Variants in KCNT2 observed in about 807,000 individuals in gnomAD.
KCNT2 encodes potassium channel subfamily T member 2.
A neutral mutation model predicts 153.8 loss-of-function variants in KCNT2; 67 were observed. The observed-to-expected ratio is 0.44, with a 90% confidence interval of 0.36 to 0.53. KCNT2 has a LOEUF of 0.53. KCNT2 is among the 20% of genes least tolerant of loss of function. KCNT2 has a pLI of 0.00. For synonymous variants in KCNT2, 500 were observed against 458.8 expected (o/e 1.09, Z -1.15); for missense variants, 975 against 1,354.8 (o/e 0.72, Z 4.40).
intron 8 of KCNT2, among the ~76,000 whole-genome samples, chr1:196,460,021 C>G (rs1210118731): frequency 3.3e-5 from 5 of 151,696 alleles, no homozygotes; most frequent in African/African-American, 9.7e-5. Context: ...AGCCCATTTT[C>G]TTTCTAACAG....
At chr1:196,368,822 C>T (rs556077041) in intron 14 of KCNT2, among the ~76,000 whole-genome samples, 8 of 152,280 alleles carry the variant, frequency 5.3e-5, no homozygotes, top group African/African-American at 1.7e-4. Context: ...CGATCCACCA[C>T]CTCAGGAACC....
At chr1:196,350,334 G>T (rs1477681671) in intron 14 of KCNT2, among the ~76,000 whole-genome samples, 2 of 152,124 alleles carry the variant, frequency 1.3e-5, no homozygotes, top group Non-Finnish European at 2.9e-5. Flanking sequence ...CAGTGTAAAA[G>T]TGTTCCTCTT....
intron 21 of KCNT2, among the ~76,000 whole-genome samples, chr1:196,307,594 G>A (rs1661755016): frequency 1.3e-5 from 2 of 152,006 alleles, no homozygotes; most frequent in African/African-American, 2.4e-5. Flanking sequence ...ACAAATCTTT[G>A]TTAAACAATT....
chr1:196,282,408 G>A, intron 23 of KCNT2, 52 bp from the exon 24 acceptor site: 1 of 877,454 alleles, frequency 1.1e-6, no homozygotes, highest in East Asian at 2.5e-5. Context: ...TATATAATGT[G>A]TATGAGATGT....
intron 22 of KCNT2, among the ~76,000 whole-genome samples, chr1:196,304,216 C>T (rs1040957506): frequency 7.2e-5 from 11 of 152,080 alleles, no homozygotes; most frequent in African/African-American, 2.7e-4. Context: ...CCTTACTCAA[C>T]AATATGTTTC....
intron 13 of KCNT2, among the ~76,000 whole-genome samples, chr1:196,384,895 C>T (rs867729473): frequency 6.6e-6 from 1 of 152,020 alleles, no homozygotes; most frequent in African/African-American, 2.4e-5. Flanking sequence ...AATCTTCATT[C>T]CCTCTTCCTC....
At chr1:196,374,017 G>A (rs1309958920) in intron 13 of KCNT2, among the ~76,000 whole-genome samples, 1 of 151,826 alleles carries the variant, frequency 6.6e-6, no homozygotes, top group Non-Finnish European at 1.5e-5. Flanking sequence ...TTGTTATGCA[G>A]GAATGAGGGC....
intron 12 of KCNT2, among the ~76,000 whole-genome samples, chr1:196,410,476 G>T (rs560937233): frequency 6.6e-6 from 1 of 151,284 alleles, no homozygotes; most frequent in East Asian, 1.9e-4. Flanking sequence ...TAAATGACAA[G>T]TTAATAGGCA....
Position 196,404,224 on chromosome 1 carries a change from T to A in KCNT2, c.1186-5553A>T, listed in dbSNP as rs1671651106. The A allele has an allele frequency of 9.8e-6, 6 of 611,482 alleles. No individual in the cohort carries two copies. In the South Asian group the frequency reaches 4.3e-4, roughly 44 times the overall value. The allele number at this position is 611,482 out of a possible 1,614,324, so 37.9% of individuals were successfully genotyped here. A position where few individuals can be genotyped will look rare whatever the true frequency, so the allele number is the denominator to read the frequency against. On this transcript the variant is annotated intron_variant, in intron 12 of 27. Coordinates refer to ENST00000294725, the MANE Select transcript of KCNT2 (RefSeq NM_198503.5). ...TTTCTCCAGCACCAGTGCCACAGCCTAATCTAAAAACTTGTCACTTCTGGC... is the reference window on the plus strand; with the variant it reads ...TTTCTCCAGCACCAGTGCCACAGCCAAATCTAAAAACTTGTCACTTCTGGC...
At chr1:196,575,933 A>G in intron 1 of KCNT2, among the ~76,000 whole-genome samples, 1 of 149,564 alleles carries the variant, frequency 6.7e-6, no homozygotes, top group East Asian at 2.0e-4. Flanking sequence ...AGCCATGGTC[A>G]TGCCACTGCA....
At chr1:196,424,476 T>C (rs1673476855) in intron 11 of KCNT2, among the ~76,000 whole-genome samples, 1 of 151,876 alleles carries the variant, frequency 6.6e-6, no homozygotes, top group South Asian at 2.1e-4. Flanking sequence ...ATAATGAGTA[T>C]AGATAGCAAA....
At chr1:196,396,336 C>T (rs143114668) in intron 13 of KCNT2, among the ~76,000 whole-genome samples, 1 of 151,656 alleles carries the variant, frequency 6.6e-6, no homozygotes, top group East Asian at 1.9e-4. Context: ...CAAAGCAAAC[C>T]TTATATACAA....
intron 1 of KCNT2, among the ~76,000 whole-genome samples, chr1:196,500,083 G>T (rs2148760025): frequency 6.6e-6 from 1 of 151,826 alleles, no homozygotes; most frequent in East Asian, 1.9e-4. Flanking sequence ...GGTGGAGATT[G>T]CAGTGAGCTG....
intron 1 of KCNT2, among the ~76,000 whole-genome samples, chr1:196,583,649 A>T (rs1254201047): frequency 2.6e-5 from 4 of 152,102 alleles, no homozygotes; most frequent in Non-Finnish European, 5.9e-5. Flanking sequence ...TAGGACATAA[A>T]ACAAAGAAGA....
chr1:196,231,166 AT>A (rs556222748), intron 27 of KCNT2, among the ~76,000 whole-genome samples: 11 of 149,104 alleles, frequency 7.4e-5, no homozygotes, highest in South Asian at 2.1e-4. Flanking sequence ...GACTGCTAGC[AT>A]TTTTTTTTTA....
chr1:196,392,587 A>C (rs575110239), intron 13 of KCNT2, among the ~76,000 whole-genome samples: 1 of 151,534 alleles, frequency 6.6e-6, no homozygotes, highest in South Asian at 2.1e-4. Flanking sequence ...TGTTATTTAG[A>C]AACAGCTAAG....
intron 1 of KCNT2, among the ~76,000 whole-genome samples, chr1:196,506,406 A>G (rs1488905560): frequency 6.6e-6 from 1 of 152,216 alleles, no homozygotes; most frequent in Non-Finnish European, 1.5e-5. Context: ...TCAATTTGAT[A>G]TGGTTGTTTC....
At chr1:196,493,110 T>C (rs184711228) in intron 1 of KCNT2, among the ~76,000 whole-genome samples, 44 of 152,238 alleles carry the variant, frequency 2.9e-4, no homozygotes, top group African/African-American at 1.1e-3. Context: ...TTCAAAATAC[T>C]AAGTGAAAAG....
chr1:196,342,448 G>GTATATATATATATATATATATGTA (rs72201546), intron 14 of KCNT2, among the ~76,000 whole-genome samples: 6 of 100,246 alleles, frequency 6.0e-5, no homozygotes, highest in African/African-American at 2.5e-4. Context: ...ATATATATAT[G>GTATATATATATATATATATATGTA]TATATATATA....
Sources: allele counts gnomAD v4.1 joint callset (sites outside exome capture counted in the v4.1 genomes callset), GRCh38; gene constraint gnomAD v4.1.1; transcripts MANE v1.5; gene names NCBI Gene and HGNC (gene_info 2026-07-23, HGNC 2026-07-21).